The following FMN1 variants were observed in gnomAD, a reference collection of about 807,000 sequenced individuals.
FMN1 encodes the protein formin-1.
Under a neutral mutation model 132.4 loss-of-function variants are expected in FMN1, and 110 were observed. The ratio of observed to expected loss-of-function variants is 0.83; its 90% CI spans 0.71 to 0.97. The LOEUF (loss-of-function observed/expected upper bound fraction) is 0.97. Among genes scored for constraint, FMN1 ranks in the 50% least tolerant of loss-of-function variants. The pLI is 0.00. For missense variants in FMN1, 1,792 were observed against 1,705.3 expected (o/e 1.05, Z -0.90); for synonymous variants, 722 against 651.7 (o/e 1.11, Z -1.64).
chr15:33,138,516 A>G (rs1348057650), intron 4 of FMN1, among the ~76,000 whole-genome samples: 1 of 152,056 alleles, frequency 6.6e-6, no homozygotes, highest in Non-Finnish European at 1.5e-5. Context: ...CCTCTTGTCT[A>G]ACCTCTCAAT....
rs562678818 is a variant in FMN1 at position 32,768,532 on chromosome 15, C to T, written c.*5778G>A. 7.9e-5 allele frequency: 12 copies of T among 152,154 alleles called. No homozygotes were observed. The highest frequency in any genetic ancestry group is 2.9e-4 in the African/African-American group (12 of 41,408). The allele number at this position is 152,154 out of a possible 1,614,324, so 9.4% of individuals were successfully genotyped here. A position where few individuals can be genotyped will look rare whatever the true frequency, so the allele number is the denominator to read the frequency against. Reference sequence around the variant, plus strand: ...TTCTCATAGTTTCAAAGGTAGAGAGCCCCTCAGTGTCTGCACAGGTAGAAT... The same window carrying T: ...TTCTCATAGTTTCAAAGGTAGAGAGTCCCTCAGTGTCTGCACAGGTAGAAT... On this transcript the variant is annotated 3_prime_UTR_variant, in exon 21 of 21. Coordinates refer to ENST00000616417, the MANE Select transcript of FMN1 (RefSeq NM_001277313.2).
At chr15:33,193,478 A>G (rs1008649108) in intron 2 of FMN1, among the ~76,000 whole-genome samples, 1 of 152,166 alleles carries the variant, frequency 6.6e-6, no homozygotes, top group Non-Finnish European at 1.5e-5. Flanking sequence ...ATGATGGCAC[A>G]TGTCCCATAT....
At chr15:32,797,560 G>A (rs185889785) in intron 19 of FMN1, among the ~76,000 whole-genome samples, 1 of 152,262 alleles carries the variant, frequency 6.6e-6, no homozygotes. Flanking sequence ...TTTTTTTCAT[G>A]TTATTATCAA....
chr15:32,872,303 A>G (rs1048660889), intron 16 of FMN1, among the ~76,000 whole-genome samples: 8 of 152,248 alleles, frequency 5.3e-5, no homozygotes, highest in African/African-American at 1.7e-4. Flanking sequence ...TATAGAGCCT[A>G]TATTTTGGGG....
intron 17 of FMN1, among the ~76,000 whole-genome samples, chr15:32,824,922 CCT>C (rs1405592338): frequency 1.1e-4 from 16 of 152,294 alleles, no homozygotes; most frequent in African/African-American, 3.6e-4. Flanking sequence ...CCAATTATTC[CCT>C]GAATTGTCTA....
chr15:33,012,296 G>C, intron 6 of FMN1: 1 of 755,260 alleles, frequency 1.3e-6, no homozygotes, highest in Non-Finnish European at 2.4e-6. Context: ...CTTTGGGTTT[G>C]TCTCATATGC....
At chr15:32,814,983 C>T (rs1270682286) in intron 17 of FMN1, among the ~76,000 whole-genome samples, 2 of 152,044 alleles carry the variant, frequency 1.3e-5, no homozygotes, top group Non-Finnish European at 2.9e-5. Flanking sequence ...CGCTCTGTCG[C>T]CCAGACTGGA....
intron 10 of FMN1, among the ~76,000 whole-genome samples, chr15:32,919,207 A>G (rs997533423): frequency 1.3e-5 from 2 of 152,188 alleles, no homozygotes; most frequent in Non-Finnish European, 2.9e-5. Context: ...GGTTTTAACT[A>G]AACTTCACAA....
intron 16 of FMN1, among the ~76,000 whole-genome samples, chr15:32,867,625 G>GC (rs2059421955): frequency 6.6e-6 from 1 of 151,888 alleles, no homozygotes; most frequent in South Asian, 2.1e-4. Context: ...TCCTGCCTCA[G>GC]CCCCCTGCCC....
At chr15:32,895,239 T>C (rs1596208045) in intron 15 of FMN1, among the ~76,000 whole-genome samples, 1 of 151,870 alleles carries the variant, frequency 6.6e-6, no homozygotes, top group South Asian at 2.1e-4. Context: ...GGTGTTCGTA[T>C]GCATGTGTGA....
intron 5 of FMN1, among the ~76,000 whole-genome samples, chr15:33,076,672 T>C (rs1055581053): frequency 1.6e-4 from 24 of 152,212 alleles, no homozygotes; most frequent in Non-Finnish European, 1.2e-4. Context: ...TGACAGATTA[T>C]TACTGTCCAA....
intron 3 of FMN1, among the ~76,000 whole-genome samples, chr15:33,164,097 GA>G (rs5811742): frequency 0.2 from 30,021 of 152,112 alleles, 3,504 homozygotes; most frequent in Middle Eastern, 0.3. Flanking sequence ...GCCTTGACAA[GA>G]AGGAGGATGG....
intron 7 of FMN1, among the ~76,000 whole-genome samples, chr15:33,002,210 C>T (rs1164100694): frequency 2.0e-5 from 3 of 152,146 alleles, no homozygotes; most frequent in African/African-American, 7.2e-5. Context: ...AAGCATGAAA[C>T]CCTTCTTATT....
intron 4 of FMN1, among the ~76,000 whole-genome samples, chr15:33,123,266 T>C (rs1962736770): frequency 6.6e-6 from 1 of 152,074 alleles, no homozygotes; most frequent in Non-Finnish European, 1.5e-5. Context: ...TGCTGCTTAA[T>C]CTTTCCAAAT....
At chr15:33,005,610 TA>T (rs2034373981) in intron 7 of FMN1, among the ~76,000 whole-genome samples, 1 of 152,028 alleles carries the variant, frequency 6.6e-6, no homozygotes, top group Admixed American at 6.6e-5. Context: ...CAGCAAGAAT[TA>T]AAAAACTGTA....
chr15:32,966,977 G>T (rs2031297979), intron 8 of FMN1, among the ~76,000 whole-genome samples: 1 of 152,200 alleles, frequency 6.6e-6, no homozygotes, highest in Non-Finnish European at 1.5e-5. Flanking sequence ...GTACCACCAG[G>T]AAGTGCCCGT....
intron 5 of FMN1, among the ~76,000 whole-genome samples, chr15:33,086,549 A>G (rs2038704017): frequency 6.6e-6 from 1 of 151,998 alleles, no homozygotes; most frequent in South Asian, 2.1e-4. Context: ...AGTTTAGCCA[A>G]TTTTAAAAAA....
At chr15:32,874,348 A>G (rs773557408) in intron 16 of FMN1, among the ~76,000 whole-genome samples, 2 of 152,148 alleles carry the variant, frequency 1.3e-5, no homozygotes, top group Non-Finnish European at 2.9e-5. Flanking sequence ...GCGAATATCA[A>G]GCCCAGCTTA....
At chr15:32,918,185 C>G (rs2060730555) in intron 10 of FMN1, among the ~76,000 whole-genome samples, 1 of 151,916 alleles carries the variant, frequency 6.6e-6, no homozygotes, top group Non-Finnish European at 1.5e-5. Flanking sequence ...AACATAAAGT[C>G]TAATTTTCTT....
Sources: allele counts gnomAD v4.1 joint callset (sites outside exome capture counted in the v4.1 genomes callset), GRCh38; gene constraint gnomAD v4.1.1; transcripts MANE v1.5; gene names NCBI Gene and HGNC (gene_info 2026-07-23, HGNC 2026-07-21).